Variants in TASP1 observed in about 807,000 individuals in gnomAD.
TASP1 encodes the protein taspase 1.
Under a neutral mutation model 56.6 loss-of-function variants are expected in TASP1, and 16 were observed. That is an observed-to-expected ratio of 0.28 (90% CI 0.19 to 0.43). The LOEUF is 0.43. Ranked by LOEUF, TASP1 falls within the 20% of genes least tolerant of loss-of-function variation. TASP1 has a pLI of 1.00. For synonymous variants in TASP1, 179 were observed against 184.2 expected (o/e 0.97, Z 0.23); for missense variants, 393 against 511.6 (o/e 0.77, Z 2.24).
intron 4 of TASP1, among the ~76,000 whole-genome samples, chr20:13,608,660 T>C (rs1172038751): frequency 1.3e-5 from 2 of 152,280 alleles, no homozygotes; most frequent in Non-Finnish European, 2.9e-5. Flanking sequence ...TATTCTTCTT[T>C]TGATTTTGTT....
the TASP1 span, among the ~76,000 whole-genome samples, chr20:13,162,917 C>T: frequency 6.6e-6 from 1 of 152,040 alleles, no homozygotes; most frequent in Non-Finnish European, 1.5e-5. Flanking sequence ...CCCATCTCAG[C>T]AAGCTAAAGA....
chr20:13,509,604 A>C (rs2327789), intron 10 of TASP1, among the ~76,000 whole-genome samples: 38,632 of 151,798 alleles, frequency 0.25, 5,071 homozygotes, highest in Middle Eastern at 0.31. Context: ...TTTCTTTAAG[A>C]AGTGTTTTGT....
At chr20:13,298,337 C>A in the TASP1 span, among the ~76,000 whole-genome samples, 1 of 152,012 alleles carries the variant, frequency 6.6e-6, no homozygotes, top group Non-Finnish European at 1.5e-5. Context: ...AAACTCCTGA[C>A]CTCAGTGTTT....
chr20:13,485,633 G>A, intron 10 of TASP1, among the ~76,000 whole-genome samples: 1 of 152,120 alleles, frequency 6.6e-6, no homozygotes, highest in East Asian at 1.9e-4. Context: ...TAACTTTGTG[G>A]CATTCCCTAT....
the TASP1 span, among the ~76,000 whole-genome samples, chr20:13,198,050 T>C: frequency 6.6e-6 from 1 of 152,186 alleles, no homozygotes; most frequent in Non-Finnish European, 1.5e-5. Context: ...GAAAAACCTC[T>C]CTAAAGTTTC....
the TASP1 span, among the ~76,000 whole-genome samples, chr20:13,185,817 T>C: frequency 6.6e-6 from 1 of 152,306 alleles, no homozygotes; most frequent in East Asian, 1.9e-4. Context: ...AAGAGGAGGT[T>C]AAGGACACTT....
At chr20:13,225,082 T>C in the TASP1 span, among the ~76,000 whole-genome samples, 1 of 151,332 alleles carries the variant, frequency 6.6e-6, no homozygotes, top group Admixed American at 6.6e-5. Flanking sequence ...CTCACTCTCC[T>C]GACCTCATGA....
chr20:13,218,405 C>T, the TASP1 span, among the ~76,000 whole-genome samples: 2 of 152,078 alleles, frequency 1.3e-5, no homozygotes, highest in Admixed American at 1.3e-4. Context: ...TGTCTCATAG[C>T]CATGAACCCA....
chr20:13,479,604 C>T (rs2043063702), intron 11 of TASP1, among the ~76,000 whole-genome samples: 1 of 151,972 alleles, frequency 6.6e-6, no homozygotes, highest in Admixed American at 6.6e-5. Context: ...AAGAGATTCC[C>T]CTGCCTTAGC....
the TASP1 span, among the ~76,000 whole-genome samples, chr20:13,123,048 C>T: frequency 2.0e-5 from 3 of 152,112 alleles, no homozygotes; most frequent in Non-Finnish European, 4.4e-5. Context: ...TAACAATACT[C>T]GGCCAGGCGT....
chr20:13,488,484 C>T (rs1014489944), intron 10 of TASP1, among the ~76,000 whole-genome samples: 2 of 152,160 alleles, frequency 1.3e-5, no homozygotes, highest in African/African-American at 4.8e-5. Context: ...TACCATTCTA[C>T]TAGAGTGAGG....
rs1600767960 is a variant in TASP1 at position 13,430,983 on chromosome 20, G to A, written c.1096+4061C>T. 2.6e-5 allele frequency among the ~76,000 whole-genome samples: 4 copies of A among 152,316 alleles called. No homozygotes were observed. In the East Asian group the frequency reaches 7.7e-4, roughly 29 times the overall value. ...CATCAAGTGGCAATGAGGTTCGACT[G>A]AAAACTGCTTGTGTGGTGTAATGAG... On this transcript the variant is annotated intron_variant, in intron 12 of 13. Transcript: ENST00000337743.
At chr20:13,361,719 A>G in the TASP1 span, among the ~76,000 whole-genome samples, 1 of 151,992 alleles carries the variant, frequency 6.6e-6, no homozygotes, top group African/African-American at 2.4e-5. Flanking sequence ...ACCTTTCTCA[A>G]CTACCCATAC....
chr20:13,495,662 A>G (rs911575290), intron 10 of TASP1, among the ~76,000 whole-genome samples: 4 of 152,200 alleles, frequency 2.6e-5, no homozygotes, highest in African/African-American at 9.6e-5. Context: ...AAAGACAAAT[A>G]GACAATATAC....
At chr20:13,197,692 A>G in the TASP1 span, among the ~76,000 whole-genome samples, 1 of 152,228 alleles carries the variant, frequency 6.6e-6, no homozygotes, top group African/African-American at 2.4e-5. Flanking sequence ...GGGCAACTGT[A>G]GTGCTCTATA....
chr20:13,372,501 CTT>C, the TASP1 span, among the ~76,000 whole-genome samples: 1 of 151,284 alleles, frequency 6.6e-6, no homozygotes, highest in South Asian at 2.1e-4. Flanking sequence ...ATATGTAAAA[CTT>C]ATTTTATAAA....
the TASP1 span, among the ~76,000 whole-genome samples, chr20:13,214,096 AC>A: frequency 6.6e-6 from 1 of 152,192 alleles, no homozygotes; most frequent in Non-Finnish European, 1.5e-5. Context: ...GACAATTTGA[AC>A]CATTTGAATG....
At chr20:13,124,741 G>T in the TASP1 span, among the ~76,000 whole-genome samples, 1 of 152,192 alleles carries the variant, frequency 6.6e-6, no homozygotes, top group South Asian at 2.1e-4. Context: ...AACTGTGAAT[G>T]TTGAAAATGC....
chr20:13,495,331 T>C (rs2043681698), intron 10 of TASP1, among the ~76,000 whole-genome samples: 1 of 152,136 alleles, frequency 6.6e-6, no homozygotes, highest in Non-Finnish European at 1.5e-5. Context: ...AAAAACAACA[T>C]TCAGTATTTA....
Sources: allele counts gnomAD v4.1 joint callset (sites outside exome capture counted in the v4.1 genomes callset), GRCh38; gene constraint gnomAD v4.1.1; transcripts MANE v1.5; gene names NCBI Gene and HGNC (gene_info 2026-07-23, HGNC 2026-07-21).